HSD17B11: variants seen among roughly 807,000 people sequenced by gnomAD.
The protein encoded by HSD17B11 is estradiol 17-beta-dehydrogenase 11.
In HSD17B11, 22 loss-of-function variants were observed where a neutral mutation model predicts 27.8. That is an observed-to-expected ratio of 0.79 (90% CI 0.56 to 1.13). The LOEUF (loss-of-function observed/expected upper bound fraction) is 1.13. Among genes scored for constraint, HSD17B11 ranks in the 50% most tolerant of loss-of-function variants. The pLI, the probability that HSD17B11 is intolerant of heterozygous loss-of-function variation, is 0.00. For synonymous variants in HSD17B11, 117 were observed against 132.8 expected (o/e 0.88, Z 0.82); for missense variants, 314 against 351.1 (o/e 0.89, Z 0.84).
intron 5 of HSD17B11, among the ~76,000 whole-genome samples, chr4:87,352,929 C>T (rs1735312471): frequency 1.1e-5 from 1 of 92,994 alleles, no homozygotes; most frequent in South Asian, 3.2e-4. Context: ...AAGGGAACTC[C>T]CTGACCCCTT....
intron 4 of HSD17B11, among the ~76,000 whole-genome samples, chr4:87,370,443 G>T (rs184770478): frequency 2.3e-4 from 35 of 151,962 alleles, no homozygotes; most frequent in African/African-American, 8.2e-4. Flanking sequence ...TTGAGACGAA[G>T]TCTCTCTCTG....
chr4:87,375,830 T>C (rs1451673014), intron 2 of HSD17B11, among the ~76,000 whole-genome samples: 1 of 91,818 alleles, frequency 1.1e-5, no homozygotes, highest in Non-Finnish European at 2.3e-5. Flanking sequence ...CTGGCCACAT[T>C]TTCTATTTAT....
intron 4 of HSD17B11, among the ~76,000 whole-genome samples, chr4:87,369,542 T>C (rs192856867): frequency 7.9e-5 from 12 of 152,078 alleles, no homozygotes; most frequent in African/African-American, 2.4e-4. Context: ...CAAGCAATCC[T>C]CCCACCTCAG....
At chr4:87,368,304 G>T (rs1232728424) in intron 4 of HSD17B11, among the ~76,000 whole-genome samples, 1 of 151,932 alleles carries the variant, frequency 6.6e-6, no homozygotes, top group Admixed American at 6.6e-5. Context: ...GTGACAGAGC[G>T]AGACTCCATC....
At chr4:87,383,013 C>T (rs1720215190) in intron 1 of HSD17B11, among the ~76,000 whole-genome samples, 1 of 152,124 alleles carries the variant, frequency 6.6e-6, no homozygotes, top group Non-Finnish European at 1.5e-5. Flanking sequence ...AGTATCACAG[C>T]AGAGTTCTAT....
chr4:87,353,733 G>A (rs374822610), intron 5 of HSD17B11, among the ~76,000 whole-genome samples: 31 of 152,192 alleles, frequency 2.0e-4, no homozygotes, highest in East Asian at 1.9e-3. Context: ...GGCCTTGTAG[G>A]GGGGGCAAGG....
rs149397478 is a variant in HSD17B11 at position 87,338,720 on chromosome 4, A to G, written c.813-1354T>C. ...CTGGCTAATGTTTTTGATTTCTAGT[A>G]GAGACAAGGTCTTATTATGTTGCCC... On this transcript the variant is annotated intron_variant, in intron 6 of 6. Transcript: ENST00000358290. Among the ~76,000 whole-genome samples, 1,354 of 152,210 alleles carry G rather than the reference A, an allele frequency of 8.9e-3. 21 individuals are homozygous for G. Among genetic ancestry groups the G allele is most frequent in the African/African-American group, 0.032 (1,316 of 41,518 alleles).
At chr4:87,389,491 T>A (rs1256712920) in intron 1 of HSD17B11, among the ~76,000 whole-genome samples, 2 of 152,220 alleles carry the variant, frequency 1.3e-5, no homozygotes, top group Admixed American at 1.3e-4. Flanking sequence ...CCAAAAGTGC[T>A]GGGATTACAA....
chr4:87,361,638 G>A (rs188250191), intron 4 of HSD17B11, among the ~76,000 whole-genome samples: 4,232 of 152,218 alleles, frequency 0.028, 182 homozygotes, highest in African/African-American at 0.097. Flanking sequence ...ATGGTGGCGG[G>A]CACCTGTAGT....
chr4:87,382,513 T>A (rs1720203700), intron 1 of HSD17B11, 151 bp from the exon 2 acceptor site: 3 of 490,740 alleles, frequency 6.1e-6, no homozygotes, highest in Admixed American at 3.4e-5. Context: ...TTGGCAGGTA[T>A]ATAGGCACAT....
Position 87,391,136 on chromosome 4 carries a change from A to AGG in HSD17B11, c.-68_-67dup. 8.0e-7 allele frequency: 1 copy of AGG among 1,242,354 alleles called. No homozygotes were observed. 77.0% of individuals were successfully genotyped at this position (1,242,354 alleles called of 1,614,324 possible). On this transcript the variant is annotated 5_prime_UTR_variant, in exon 1 of 7. Coordinates refer to ENST00000358290, the MANE Select transcript of HSD17B11 (RefSeq NM_016245.5). ...TTTTACCACTCTAAACTGCTTTTAGAGGGTAGCTCGATCTAACACCAGAAA... is the reference window on the plus strand; with the variant it reads ...TTTTACCACTCTAAACTGCTTTTAGAGGGGGTAGCTCGATCTAACACCAGAAA...
In HSD17B11 at chr4:87,337,193, CAGA is replaced by C. The variant is rs2110110587; in HGVS notation, c.*80_*82del. 1.2e-6 allele frequency: 1 copy of C among 854,436 alleles called. No individual in the cohort carries two copies. Among genetic ancestry groups the C allele is most frequent in the African/African-American group, 1.7e-5 (1 of 58,672 alleles). 52.9% of individuals were successfully genotyped at this position (854,436 alleles called of 1,614,324 possible). ...AAGAAATGGGGATAATTAGAAAAAA[CAGA>C]AGTTCAAACATTAAAATTCTGGCAC... On this transcript the variant is annotated 3_prime_UTR_variant, in exon 7 of 7. Coordinates refer to ENST00000358290, the MANE Select transcript of HSD17B11 (RefSeq NM_016245.5).
Position 87,337,347 on chromosome 4 carries a change from G to A in HSD17B11, c.832C>T (p.Leu278=), listed in dbSNP as rs1735073321. The A allele has an allele frequency of 1.3e-6, 2 of 1,592,824 alleles. No individual in the cohort carries two copies. The highest frequency in any genetic ancestry group is 1.7e-6 in the Non-Finnish European group (2 of 1,162,592). ...TLERILPERF[L]AVLKRKISVK... ...CTGATTTTTCGTTTTAAAACTGCCA[G>A]GAAACGCTCAGGAAGGATCCTAAAA... Residue 278 remains leucine (L), a synonymous_variant, in exon 7 of 7, where the codon CTG becomes TTG. Transcript: ENST00000358290.
In HSD17B11 at chr4:87,374,753, T is replaced by C; in HGVS notation, c.396A>G (p.Thr132=). ...GVVYTSDLFA[T]QDPQIEKTFE... The stretch of plus-strand genomic sequence containing the variant: ...AAGTCTTTTCAATCTGAGGATCTTG[T>C]GTAGCAAACAAATCTGATGTATAGA... Residue 132 remains threonine, a synonymous_variant, in exon 3 of 7, where the codon ACA becomes ACG. Transcript: ENST00000358290. The C allele has an allele frequency of 6.2e-7, 1 of 1,609,636 alleles. No individual in the cohort carries two copies. The highest frequency in any genetic ancestry group is 8.5e-7 in the Non-Finnish European group (1 of 1,178,216).
At chr4:87,354,567 C>A (rs1378220119) in intron 5 of HSD17B11, among the ~76,000 whole-genome samples, 2 of 151,396 alleles carry the variant, frequency 1.3e-5, no homozygotes, top group Non-Finnish European at 2.9e-5. Context: ...TAGGTTGAGC[C>A]CAGGAGGTCA....
chr4:87,344,028 T>A (rs1735221741), intron 5 of HSD17B11, among the ~76,000 whole-genome samples: 1 of 152,206 alleles, frequency 6.6e-6, no homozygotes. Flanking sequence ...TTTTAAACTA[T>A]CTACCTGACA....
At chr4:87,339,798 TG>T (rs1481135588) in intron 6 of HSD17B11, among the ~76,000 whole-genome samples, 3 of 152,224 alleles carry the variant, frequency 2.0e-5, no homozygotes, top group Non-Finnish European at 4.4e-5. Flanking sequence ...AATCAGAATT[TG>T]GGGGAGTTGG....
rs573020577 is a variant in HSD17B11, at chr4:87,385,563, A to G, written c.211-3201T>C. 9.3e-4 allele frequency among the ~76,000 whole-genome samples: 142 copies of G among 152,310 alleles called. 2 individuals are homozygous for G. In the South Asian group the frequency reaches 0.028, roughly 30 times the overall value. On this transcript the variant is annotated intron_variant, in intron 1 of 6. Coordinates refer to ENST00000358290, the MANE Select transcript of HSD17B11 (RefSeq NM_016245.5). The stretch of plus-strand genomic sequence containing the variant: ...ATGCCACTAAACTGTACACTCAGAA[A>G]TGGTTAAAATGGTGTGTTATGTCAT...
At chr4:87,375,773 T>C (rs1342662029) in intron 2 of HSD17B11, among the ~76,000 whole-genome samples, 1 of 152,150 alleles carries the variant, frequency 6.6e-6, no homozygotes, top group African/African-American at 2.4e-5. Flanking sequence ...TGTGGCAAAA[T>C]CAGGGACTAC....
Sources: gnomAD v4.1 joint callset for allele counts (sites outside exome capture counted in the v4.1 genomes callset) on GRCh38, gnomAD v4.1.1 for gene constraint, MANE v1.5 for transcripts, NCBI Gene and HGNC (gene_info 2026-07-23, HGNC 2026-07-21) for gene names.